The following CACNA1C variants were observed in gnomAD, a reference collection of about 807,000 sequenced individuals.
CACNA1C encodes the protein calcium voltage-gated channel subunit alpha1 C.
In CACNA1C, 30 loss-of-function variants were observed where a neutral mutation model predicts 229.0. That is an observed-to-expected ratio of 0.13 (90% confidence interval 0.10 to 0.18). CACNA1C has a LOEUF of 0.18. Ranked by LOEUF, CACNA1C falls within the 10% of genes least tolerant of loss-of-function variation. The probability of loss-of-function intolerance (pLI) is 1.00; values close to 1 mark genes in which losing one functional copy is unlikely to be tolerated. For synonymous variants in CACNA1C, 1,114 were observed against 1,132.5 expected (o/e 0.98, Z 0.33); for missense variants, 1,658 against 2,845.0 (o/e 0.58, Z 9.49).
At chr12:2,345,840 A>G (rs1029750884) in intron 3 of CACNA1C, among the ~76,000 whole-genome samples, 1 of 152,046 alleles carries the variant, frequency 6.6e-6, no homozygotes, top group Non-Finnish European at 1.5e-5. Flanking sequence ...GTATGGTGAG[A>G]TGTTTATGCT....
At chr12:2,661,270 TACACACACATACACACAC>T (rs2095709676) in intron 34 of CACNA1C, among the ~76,000 whole-genome samples, 4 of 131,160 alleles carry the variant, frequency 3.0e-5, no homozygotes, top group South Asian at 2.5e-4. Context: ...TCTAAACACA[TACACACACATACACACAC>T]ACACACACAC....
At chr12:2,371,724 C>CTTTTTTTTTTTTTTTTTTTTT in intron 3 of CACNA1C, among the ~76,000 whole-genome samples, 1 of 129,016 alleles carries the variant, frequency 7.8e-6, no homozygotes. Context: ...TGACATATGG[C>CTTTTTTTTTTTTTTTTTTTTT]TTTTTTTTTT....
At chr12:2,190,123 G>T (rs1346025415) in intron 3 of CACNA1C, among the ~76,000 whole-genome samples, 3 of 152,198 alleles carry the variant, frequency 2.0e-5, no homozygotes, top group Admixed American at 6.5e-5. Flanking sequence ...TTGGAAGGAG[G>T]GAGGGCTTTT....
chr12:2,571,644 A>G (rs974332451), intron 13 of CACNA1C, among the ~76,000 whole-genome samples: 2 of 152,238 alleles, frequency 1.3e-5, no homozygotes, highest in Non-Finnish European at 2.9e-5. Context: ...CTCCACAAGA[A>G]GGAGTAGTAG....
chr12:2,571,505 A>G (rs1046256736), intron 13 of CACNA1C, among the ~76,000 whole-genome samples: 3 of 152,348 alleles, frequency 2.0e-5, no homozygotes, highest in East Asian at 1.9e-4. Flanking sequence ...GCTGCTATAT[A>G]TTGTTATGAC....
At chr12:2,193,029 G>T (rs2097289359) in intron 3 of CACNA1C, among the ~76,000 whole-genome samples, 1 of 152,248 alleles carries the variant, frequency 6.6e-6, no homozygotes, top group Admixed American at 6.5e-5. Context: ...ATGTAGGTTT[G>T]CATTTGCAGG....
At chr12:2,587,491 C>T (rs908868067) in intron 18 of CACNA1C, among the ~76,000 whole-genome samples, 7 of 152,144 alleles carry the variant, frequency 4.6e-5, no homozygotes, top group South Asian at 2.1e-4. Context: ...CAGGCCTGTA[C>T]GGCAGATACA....
intron 6 of CACNA1C, among the ~76,000 whole-genome samples, chr12:2,490,390 T>A (rs949396596): frequency 4.6e-5 from 7 of 152,222 alleles, no homozygotes. Context: ...AATGTAAAGA[T>A]TAACTTCATC....
intron 3 of CACNA1C, among the ~76,000 whole-genome samples, chr12:2,199,317 G>A (rs1191168614): frequency 6.6e-6 from 1 of 152,080 alleles, no homozygotes; most frequent in African/African-American, 2.4e-5. Flanking sequence ...TGCCACCCCT[G>A]AGATGGCAAG....
chr12:2,533,378 T>C (rs1186219988), intron 9 of CACNA1C, among the ~76,000 whole-genome samples: 1 of 152,086 alleles, frequency 6.6e-6, no homozygotes, highest in East Asian at 1.9e-4. Context: ...GATCAAACAT[T>C]GAATGAGTGA....
At chr12:2,514,838 A>T (rs2099792950) in intron 9 of CACNA1C, among the ~76,000 whole-genome samples, 1 of 151,996 alleles carries the variant, frequency 6.6e-6, no homozygotes, top group African/African-American at 2.4e-5. Flanking sequence ...TTCTCCATCT[A>T]ACCCATTAAA....
Position 2,615,856 on chromosome 12 carries a change from G to A in CACNA1C, c.3828+3843G>A, listed in dbSNP as rs554002083. The stretch of plus-strand genomic sequence containing the variant: ...GAGCTGCAGGAGGCGATGAGTGAGA[G>A]GCTGCGCTCCAAGCTTCTCCTCCTC... On this transcript the variant is annotated intron_variant, in intron 29 of 46. Transcript: ENST00000399655. 7.2e-5 allele frequency among the ~76,000 whole-genome samples: 11 copies of A among 152,316 alleles called. No homozygotes were observed. In the East Asian group the frequency reaches 1.9e-3, roughly 27 times the overall value.
chr12:2,567,207 G>A (rs1015502622), intron 12 of CACNA1C, among the ~76,000 whole-genome samples: 8 of 152,186 alleles, frequency 5.3e-5, no homozygotes, highest in African/African-American at 1.7e-4. Flanking sequence ...AGACAGTGCG[G>A]CTCCAACTGT....
intron 1 of CACNA1C, among the ~76,000 whole-genome samples, chr12:2,083,625 G>A (rs181070676): frequency 2.6e-5 from 4 of 152,320 alleles, no homozygotes; most frequent in Admixed American, 2.0e-4. Flanking sequence ...GAGAATTTAT[G>A]ATACTGAAGA....
intron 3 of CACNA1C, among the ~76,000 whole-genome samples, chr12:2,406,093 A>C (rs73037273): frequency 0.063 from 9,603 of 152,240 alleles, 324 homozygotes; most frequent in African/African-American, 0.094. Flanking sequence ...ACCTCTTTCT[A>C]ATACTCCTGG....
chr12:2,422,973 A>G lies in CACNA1C; in HGVS notation c.478-26003A>G, dbSNP rs953493039. ...CGTTTCCCTTCTCTGATGTTGGACC[A>G]AGATACCTGAAGTTTTCTTTCAATT... On this transcript the variant is annotated intron_variant, in intron 3 of 46. Transcript: ENST00000399655. Among the ~76,000 whole-genome samples the G allele has an allele frequency of 1.7e-4, 26 of 152,210 alleles. 2 individuals are homozygous for G. The highest frequency in any genetic ancestry group is 1.5e-5 in the Non-Finnish European group (1 of 68,044).
intron 2 of CACNA1C, among the ~76,000 whole-genome samples, chr12:2,118,261 C>T (rs1052031371): frequency 3.3e-5 from 5 of 152,072 alleles, no homozygotes; most frequent in East Asian, 1.9e-4. Context: ...TGTGTGTGCA[C>T]GGGTCTGGTT....
intron 13 of CACNA1C, among the ~76,000 whole-genome samples, chr12:2,576,126 G>C (rs548491084): frequency 6.6e-6 from 1 of 152,274 alleles, no homozygotes; most frequent in East Asian, 1.9e-4. Context: ...AGAGAATTTA[G>C]GTGGCAGAGA....
intron 3 of CACNA1C, among the ~76,000 whole-genome samples, chr12:2,244,893 A>G (rs188098180): frequency 6.6e-6 from 1 of 152,354 alleles, no homozygotes; most frequent in Non-Finnish European, 1.5e-5. Flanking sequence ...ACTTTTATCA[A>G]CAAAAAACAA....
Sources: allele counts gnomAD v4.1 joint callset (sites outside exome capture counted in the v4.1 genomes callset), GRCh38; gene constraint gnomAD v4.1.1; transcripts MANE v1.5; gene names NCBI Gene and HGNC (gene_info 2026-07-23, HGNC 2026-07-21).